Variants in GRAMD4 observed in about 807,000 individuals in gnomAD.
GRAMD4 encodes the protein GRAM domain-containing protein 4.
GRAMD4 carries 25 observed loss-of-function variants against 83.9 expected under a neutral mutation model. The ratio of observed to expected loss-of-function variants is 0.30; its 90% CI spans 0.22 to 0.42. The LOEUF (loss-of-function observed/expected upper bound fraction) is 0.42. Ranked by LOEUF, GRAMD4 falls within the 10% of genes least tolerant of loss-of-function variation. GRAMD4 has a pLI of 1.00. For missense variants in GRAMD4, 593 were observed against 788.7 expected, an observed-to-expected ratio of 0.75 and a Z score of 2.97; for synonymous variants, 336 against 320.9, an observed-to-expected ratio of 1.05 and a Z score of -0.50.
At chr22:46,627,063 C>A in intron 2 of GRAMD4, 102 bp downstream of exon 2, 1 of 804,888 alleles carries the variant, frequency 1.2e-6, no homozygotes, top group Admixed American at 1.9e-5. Flanking sequence ...CCTGCCCATG[C>A]TGGTCAGAGA....
At chr22:46,603,951 A>AT (rs1451377908) in intron 1 of GRAMD4, among the ~76,000 whole-genome samples, 1 of 152,088 alleles carries the variant, frequency 6.6e-6, no homozygotes, top group Non-Finnish European at 1.5e-5. Context: ...CTTTGGTCTA[A>AT]TCTGAATTTA....
exon 1 of GRAMD4, chr22:46,577,258 G>GTGGA: frequency 1.0e-6 from 1 of 978,704 alleles, no homozygotes; most frequent in Middle Eastern, 5.3e-4. Flanking sequence ...GCCGCGGCGG[G>GTGGA]TGGATGAGAG....
chr22:46,632,108 G>A (rs1470874174), intron 2 of GRAMD4, among the ~76,000 whole-genome samples: 2 of 152,270 alleles, frequency 1.3e-5, no homozygotes, highest in Non-Finnish European at 1.5e-5. Flanking sequence ...GGCTGTTTGT[G>A]TCCTGGGACA....
In GRAMD4 at chr22:46,584,611, G is replaced by A. The variant is rs112310602; in HGVS notation, c.-50+7321G>A. On this transcript the variant is annotated intron_variant, in intron 1 of 1. Coordinates refer to the GRAMD4 transcript ENST00000431155. Reference sequence around the variant, plus strand: ...ACTGGAGTTGTTAGTGGGACCCCCCGGGAAGCAGTTCCCGATCCCTTGGCT... The same window carrying A: ...ACTGGAGTTGTTAGTGGGACCCCCCAGGAAGCAGTTCCCGATCCCTTGGCT... 5.5e-3 allele frequency among the ~76,000 whole-genome samples: 841 copies of A among 152,250 alleles called. 10 individuals are homozygous for A. The highest frequency in any genetic ancestry group is 0.031 in the Middle Eastern group (9 of 294).
chr22:46,589,425 C>T (rs977286122), intron 1 of GRAMD4, among the ~76,000 whole-genome samples: 2 of 145,072 alleles, frequency 1.4e-5, no homozygotes, highest in Admixed American at 7.0e-5. Flanking sequence ...CCTCACGTGG[C>T]CCGAGGGCAG....
At chr22:46,642,966 TC>T (rs2081994710) in intron 3 of GRAMD4, among the ~76,000 whole-genome samples, 1 of 151,038 alleles carries the variant, frequency 6.6e-6, no homozygotes, top group Admixed American at 6.6e-5. Flanking sequence ...CATGCATCTA[TC>T]CATCCATCCA....
chr22:46,650,923 C>G (rs1452822428), intron 3 of GRAMD4, among the ~76,000 whole-genome samples: 2 of 152,236 alleles, frequency 1.3e-5, no homozygotes, highest in African/African-American at 2.4e-5. Flanking sequence ...GAGGGTCCCT[C>G]TGGGCACGCA....
upstream of GRAMD4, among the ~76,000 whole-genome samples, chr22:46,618,394 G>A (rs1439663466): frequency 2.0e-5 from 3 of 152,194 alleles, no homozygotes; most frequent in African/African-American, 7.2e-5. This position sits in a 1 kb window ranked among gnomAD's most constrained non-coding sequence, Gnocchi z 5.8. Context: ...AATGACAGCG[G>A]GCGGCGCCTA....
intron 3 of GRAMD4, among the ~76,000 whole-genome samples, chr22:46,655,516 GA>G (rs2082229906): frequency 6.6e-6 from 1 of 152,184 alleles, no homozygotes; most frequent in South Asian, 2.1e-4. Flanking sequence ...TTGGAAGAAA[GA>G]ACCCCAGATG....
chr22:46,627,703 T>C (rs1003575107), intron 2 of GRAMD4, among the ~76,000 whole-genome samples: 1 of 152,238 alleles, frequency 6.6e-6, no homozygotes, highest in African/African-American at 2.4e-5. Context: ...GAGCCAGGTC[T>C]TCTTTCCAGG....
chr22:46,596,373 C>T (rs570282287), intron 1 of GRAMD4, among the ~76,000 whole-genome samples: 1 of 152,360 alleles, frequency 6.6e-6, no homozygotes, highest in South Asian at 2.1e-4. Flanking sequence ...GCAGGGACTC[C>T]AGGGCCATCT....
In GRAMD4 at chr22:46,678,716, T is replaced by A. The variant is rs1407189808; in HGVS notation, c.*1465T>A. ...TTTTGTATCCTTTTTCAGATGTAAT[T>A]TTTATCTTTGCTCCGATCCTCATTT... On this transcript the variant is annotated 3_prime_UTR_variant, in exon 19 of 19. Transcript: ENST00000406902. 1.0e-6 allele frequency: 1 copy of A among 985,596 alleles called. No homozygotes were observed. The highest frequency in any genetic ancestry group is 1.2e-6 in the Non-Finnish European group (1 of 829,952). 61.1% of individuals were successfully genotyped at this position (985,596 alleles called of 1,614,324 possible). A position where few individuals can be genotyped will look rare whatever the true frequency, so the allele number is the denominator to read the frequency against.
In GRAMD4 at chr22:46,677,323, G is replaced by T. The variant is rs1378463214; in HGVS notation, c.*72G>T. Reference sequence around the variant, plus strand: ...TTTTCTTTTTTTTTTTTTACGATTTGGTAGTGGAAACAATTGGACATCCTC... The same window carrying T: ...TTTTCTTTTTTTTTTTTTACGATTTTGTAGTGGAAACAATTGGACATCCTC... On this transcript the variant is annotated 3_prime_UTR_variant, in exon 19 of 19. Transcript: ENST00000406902. 2.0e-6 allele frequency: 3 copies of T among 1,494,172 alleles called. No homozygotes were observed. Among genetic ancestry groups the T allele is most frequent in the Admixed American group, 2.5e-5 (1 of 40,596 alleles). 92.6% of individuals were successfully genotyped at this position (1,494,172 alleles called of 1,614,324 possible).
intron 3 of GRAMD4, among the ~76,000 whole-genome samples, chr22:46,641,811 C>T (rs928179505): frequency 2.0e-5 from 3 of 152,228 alleles, no homozygotes; most frequent in African/African-American, 7.2e-5. Flanking sequence ...TCTACTTCCG[C>T]TATTCTCTCT....
chr22:46,666,887 G>T lies in GRAMD4; in HGVS notation c.858+14G>T. On this transcript the variant is annotated intron_variant, in intron 10 of 18. Transcript: ENST00000406902. ...TCTGAGCCCGTGGTAAGTCCCTGGA[G>T]GGTGCACGGTCTCCTCCGACTGTCT... 1.3e-6 allele frequency: 2 copies of T among 1,565,888 alleles called. No homozygotes were observed. The highest frequency in any genetic ancestry group is 2.3e-5 in the South Asian group (2 of 85,416).
In GRAMD4 at chr22:46,659,142, G is replaced by A. The variant is rs899818483; in HGVS notation, c.404+835G>A. Among the ~76,000 whole-genome samples, 10 of 151,752 alleles carry A rather than the reference G, an allele frequency of 6.6e-5. No individual in the cohort carries two copies. The highest frequency in any genetic ancestry group is 1.3e-4 in the Non-Finnish European group (9 of 67,900). The stretch of plus-strand genomic sequence containing the variant: ...CTCACCTCTGGCTCCCAGGCCTCCC[G>A]CTCAGCCTCCACTCCAGCAACCTCC... On this transcript the variant is annotated intron_variant, in intron 4 of 18. Coordinates refer to ENST00000406902, the MANE Select transcript of GRAMD4 (RefSeq NM_015124.5). This position sits in a 1 kb window ranked among gnomAD's most constrained non-coding sequence, Gnocchi z 4.1.
In GRAMD4 at chr22:46,679,094, C is replaced by T; in HGVS notation, c.*1843C>T. The T allele has an allele frequency of 3.0e-6, 3 of 985,552 alleles. No homozygotes were observed. Among genetic ancestry groups the T allele is most frequent in the Non-Finnish European group, 2.4e-6 (2 of 829,972 alleles). The allele number at this position is 985,552 out of a possible 1,614,324, so 61.1% of individuals were successfully genotyped here. On this transcript the variant is annotated 3_prime_UTR_variant, in exon 19 of 19. Coordinates refer to ENST00000406902, the MANE Select transcript of GRAMD4 (RefSeq NM_015124.5). The stretch of plus-strand genomic sequence containing the variant: ...GCAACACAGGGTGGGCACTGACCCA[C>T]CCCCAGGGGCGGCTGCAGAGGCAGT...
intron 1 of GRAMD4, among the ~76,000 whole-genome samples, chr22:46,599,944 G>A (rs138548): frequency 0.67 from 101,073 of 151,966 alleles, 34,653 homozygotes; most frequent in African/African-American, 0.82. Context: ...TCTCACCACC[G>A]GCGGCACCTT....
chr22:46,599,750 A>G (rs1225931957), intron 1 of GRAMD4, among the ~76,000 whole-genome samples: 1 of 152,182 alleles, frequency 6.6e-6, no homozygotes, highest in Non-Finnish European at 1.5e-5. Context: ...ATGGAGATTG[A>G]AATGTTTCCA....
Sources: allele counts gnomAD v4.1 joint callset (sites outside exome capture counted in the v4.1 genomes callset), GRCh38; gene constraint gnomAD v4.1.1; non-coding constraint Gnocchi (gnomAD v3.1); transcripts MANE v1.5; gene names NCBI Gene and HGNC (gene_info 2026-07-23, HGNC 2026-07-21).